The following PCDH7 variants were observed in gnomAD, a reference collection of about 807,000 sequenced individuals.
PCDH7 encodes protocadherin 7.
Under a neutral mutation model 58.9 loss-of-function variants are expected in PCDH7, and 17 were observed. That is an observed-to-expected ratio of 0.29 (90% CI 0.20 to 0.43). The LOEUF (loss-of-function observed/expected upper bound fraction) is 0.43. Among genes scored for constraint, PCDH7 ranks in the 20% least tolerant of loss-of-function variants. PCDH7 has a pLI of 1.00. For missense variants in PCDH7, 1,274 were observed against 1,441.0 expected, an observed-to-expected ratio of 0.88 and a Z score of 1.88; for synonymous variants, 664 against 616.4, an observed-to-expected ratio of 1.08 and a Z score of -1.14.
intron 1 of PCDH7, among the ~76,000 whole-genome samples, chr4:30,894,516 T>TATATATATAC (rs1400204196): frequency 2.1e-3 from 66 of 32,184 alleles, no homozygotes; most frequent in East Asian, 3.4e-3. Flanking sequence ...TATATATATA[T>TATATATATAC]ACACACACAC....
chr4:30,792,350 G>A (rs1016951702), intron 1 of PCDH7, among the ~76,000 whole-genome samples: 7 of 151,782 alleles, frequency 4.6e-5, no homozygotes, highest in African/African-American at 1.5e-4. Context: ...ATATAAGAAA[G>A]TTATATTTTG....
intron 3 of PCDH7, among the ~76,000 whole-genome samples, chr4:31,124,127 C>A (rs1304985722): frequency 2.6e-5 from 4 of 152,154 alleles, no homozygotes; most frequent in African/African-American, 9.7e-5. Flanking sequence ...TACAGGTTCT[C>A]ATTAGGGCCG....
chr4:30,823,293 G>A (rs1402297898), intron 1 of PCDH7, among the ~76,000 whole-genome samples: 1 of 152,054 alleles, frequency 6.6e-6, no homozygotes, highest in African/African-American at 2.4e-5. Context: ...ATGTCCTTTG[G>A]TATTTCTCAT....
At chr4:30,993,215 T>C (rs1055489108) in intron 3 of PCDH7, among the ~76,000 whole-genome samples, 14 of 152,212 alleles carry the variant, frequency 9.2e-5, no homozygotes, top group African/African-American at 3.4e-4. Context: ...CTAAGGTATA[T>C]GCCTACCTAT....
chr4:30,990,493 T>C (rs960123452), intron 3 of PCDH7, among the ~76,000 whole-genome samples: 2 of 152,154 alleles, frequency 1.3e-5, no homozygotes, highest in African/African-American at 4.8e-5. Flanking sequence ...CCAGTGCTTT[T>C]GTTTTCTTTT....
chr4:31,055,732 A>T (rs1757110808), intron 3 of PCDH7, among the ~76,000 whole-genome samples: 1 of 151,932 alleles, frequency 6.6e-6, no homozygotes, highest in Admixed American at 6.6e-5. Flanking sequence ...GCCCACCACC[A>T]TGCCCGGCTA....
chr4:30,824,119 C>CTTTTTTTT (rs1194814006), intron 1 of PCDH7, among the ~76,000 whole-genome samples: 4 of 144,370 alleles, frequency 2.8e-5, no homozygotes, highest in African/African-American at 1.0e-4. Flanking sequence ...TTCTTTCTTT[C>CTTTTTTTT]TTTCTTTCTT....
intron 1 of PCDH7, among the ~76,000 whole-genome samples, chr4:30,768,126 T>C (rs534631843): frequency 6.6e-6 from 1 of 152,344 alleles, no homozygotes; most frequent in South Asian, 2.1e-4. Flanking sequence ...GTTCTCACTC[T>C]ATGTAAATGT....
chr4:30,961,745 A>T (rs1748457075), intron 3 of PCDH7, among the ~76,000 whole-genome samples: 1 of 152,174 alleles, frequency 6.6e-6, no homozygotes, highest in Non-Finnish European at 1.5e-5. Context: ...TCATTTGCAT[A>T]AAACTTTTCT....
chr4:31,139,294 T>G (rs1323074147), intron 3 of PCDH7, among the ~76,000 whole-genome samples: 1 of 152,210 alleles, frequency 6.6e-6, no homozygotes, highest in Admixed American at 6.5e-5. Flanking sequence ...CTATTTTATT[T>G]TCCTGTTGTT....
intron 3 of PCDH7, among the ~76,000 whole-genome samples, chr4:31,005,670 G>C (rs1433537557): frequency 6.6e-6 from 1 of 152,180 alleles, no homozygotes; most frequent in East Asian, 1.9e-4. Flanking sequence ...CGTTTTGCAA[G>C]TAGAAGTGGA....
chr4:31,097,354 T>G (rs1234483297), intron 3 of PCDH7, among the ~76,000 whole-genome samples: 1 of 151,278 alleles, frequency 6.6e-6, no homozygotes, highest in Non-Finnish European at 1.5e-5. Flanking sequence ...CTTGGGAGGC[T>G]GAGGCAGGAG....
chr4:31,138,385 C>A (rs1391678990), intron 3 of PCDH7, among the ~76,000 whole-genome samples: 1 of 152,116 alleles, frequency 6.6e-6, no homozygotes, highest in African/African-American at 2.4e-5. Flanking sequence ...ACATCTATTT[C>A]CTGTGCTACT....
intron 3 of PCDH7, among the ~76,000 whole-genome samples, chr4:30,974,628 A>G (rs184899456): frequency 2.0e-3 from 304 of 152,310 alleles, no homozygotes; most frequent in Non-Finnish European, 3.8e-3. Flanking sequence ...ATTAACCAAA[A>G]TATCCGGGAG....
intron 1 of PCDH7, among the ~76,000 whole-genome samples, chr4:30,878,906 T>C (rs1736617062): frequency 6.6e-6 from 1 of 152,128 alleles, no homozygotes; most frequent in African/African-American, 2.4e-5. Context: ...GCCACTATTT[T>C]CATGTGTTTT....
chr4:30,779,855 G>A (rs1156602199), intron 1 of PCDH7, among the ~76,000 whole-genome samples: 1 of 152,074 alleles, frequency 6.6e-6, no homozygotes, highest in Non-Finnish European at 1.5e-5. Context: ...TGCAATTTTA[G>A]TGTCATTTAA....
chr4:30,813,654 CT>C (rs1350995118), intron 1 of PCDH7, among the ~76,000 whole-genome samples: 2 of 152,056 alleles, frequency 1.3e-5, no homozygotes, highest in East Asian at 3.9e-4. Flanking sequence ...TTTAATTTAT[CT>C]TTTGAGATGG....
intron 1 of PCDH7, among the ~76,000 whole-genome samples, chr4:30,909,416 G>A (rs1353135210): frequency 1.3e-5 from 2 of 152,174 alleles, no homozygotes; most frequent in African/African-American, 4.8e-5. Context: ...TGACATGATT[G>A]TATATTTAGA....
rs538902544 is a variant in PCDH7 at position 30,973,326 on chromosome 4, G to T, written c.*7+23111G>T. 4.6e-5 allele frequency among the ~76,000 whole-genome samples: 7 copies of T among 152,288 alleles called. No homozygotes were observed. In the East Asian group the frequency reaches 9.7e-4, roughly 21 times the overall value. On this transcript the variant is annotated intron_variant, in intron 3 of 3. Transcript: ENST00000509759. ...CTTAGGGAAGACAGGGGATATTGGT[G>T]TGAGAGTGGAGAGAGTATTACCTGG... is the stretch of plus-strand genomic sequence containing the variant.
Sources: allele counts gnomAD v4.1 joint callset (sites outside exome capture counted in the v4.1 genomes callset), GRCh38; gene constraint gnomAD v4.1.1; transcripts MANE v1.5; gene names NCBI Gene and HGNC (gene_info 2026-07-23, HGNC 2026-07-21).